Variants in XKR8 observed in about 807,000 individuals in gnomAD.
XKR8 encodes the protein XK-related protein 8.
A neutral mutation model predicts 17.1 loss-of-function variants in XKR8; 10 were observed. That is an observed-to-expected ratio of 0.59 (90% CI 0.36 to 0.99). The LOEUF (loss-of-function observed/expected upper bound fraction) is 0.99, where lower values mean the gene tolerates loss of function less well. Ranked by LOEUF, XKR8 falls within the 50% of genes least tolerant of loss-of-function variation. The pLI is 0.01. For missense variants in XKR8, 411 were observed against 515.6 expected (o/e 0.80, Z 1.96); for synonymous variants, 213 against 251.9 (o/e 0.85, Z 1.46).
chr1:27,963,602 G>A lies in XKR8; in HGVS notation c.399G>A (p.Leu133=). The part of the protein sequence containing the change: ...ADFLALDISM[L]RLFETFLETA... ...TCCTCGCCCTGGACATCAGCATGCT[G>A]CGGCTCTTCGAGACCTTCTTGGAGA... Residue 133 remains leucine, a synonymous_variant, in exon 2 of 3, where the codon CTG becomes CTA. Transcript: ENST00000373884. 7 of 1,614,128 alleles carry A rather than the reference G, an allele frequency of 4.3e-6. No individual in the cohort carries two copies. The highest frequency in any genetic ancestry group is 5.9e-6 in the Non-Finnish European group (7 of 1,180,022).
At position 27,967,298 on chromosome 1, in the gene XKR8, C is replaced by T. The variant is rs1638597085; in HGVS notation, c.*98C>T. ...AGGCGAGGATAAGCTAACGATGCTGCTGTGGCCTCTATGCACTCAGCAAGA... is the reference window on the plus strand; with the variant it reads ...AGGCGAGGATAAGCTAACGATGCTGTTGTGGCCTCTATGCACTCAGCAAGA... On this transcript the variant is annotated 3_prime_UTR_variant, in exon 3 of 3. Transcript: ENST00000373884. The surrounding 1 kb of genome is among the most constrained non-coding windows in gnomAD (Gnocchi z 4.3). 1.5e-6 allele frequency: 2 copies of T among 1,355,118 alleles called. No homozygotes were observed. Among genetic ancestry groups the T allele is most frequent in the East Asian group, 2.4e-5 (1 of 42,122 alleles). The allele number at this position is 1,355,118 out of a possible 1,614,324, so 83.9% of individuals were successfully genotyped here.
At position 27,960,992 on chromosome 1, in the gene XKR8, G is replaced by A. The variant is rs979424393; in HGVS notation, c.293+630G>A. Among the ~76,000 whole-genome samples the A allele has an allele frequency of 6.6e-6, 1 of 152,224 alleles. No homozygotes were observed. The highest frequency in any genetic ancestry group is 2.4e-5 in the African/African-American group (1 of 41,462). Reference sequence around the variant, plus strand: ...TGTCCACTGCCCTGGCTCAGAGTGAGCACTCAGCAACCTCAGCTGGCTTCT... The same window carrying A: ...TGTCCACTGCCCTGGCTCAGAGTGAACACTCAGCAACCTCAGCTGGCTTCT... On this transcript the variant is annotated intron_variant, in intron 1 of 2. Coordinates refer to ENST00000373884, the MANE Select transcript of XKR8 (RefSeq NM_018053.4). The surrounding 1 kb of genome is among the most constrained non-coding windows in gnomAD (Gnocchi z 5.9).
At position 27,960,426 on chromosome 1, in the gene XKR8, CTGTACAGG is replaced by C; in HGVS notation, c.293+67_293+74del. On this transcript the variant is annotated intron_variant, in intron 1 of 2. Transcript: ENST00000373884. The surrounding 1 kb of genome is among the most constrained non-coding windows in gnomAD (Gnocchi z 5.9). The stretch of plus-strand genomic sequence containing the variant: ...CCAGCACCTCCGTCAGCTGGGTCAC[CTGTACAGG>C]TGACACGCCATATGCCGGGAAGGGG... 7.4e-7 allele frequency: 1 copy of C among 1,343,256 alleles called. No homozygotes were observed. Among genetic ancestry groups the C allele is most frequent in the Non-Finnish European group, 9.5e-7 (1 of 1,049,442 alleles). The allele number at this position is 1,343,256 out of a possible 1,614,324, so 83.2% of individuals were successfully genotyped here. A position where few individuals can be genotyped will look rare whatever the true frequency, so the allele number is the denominator to read the frequency against.
At position 27,960,051 on chromosome 1, in the gene XKR8, G is replaced by C. The variant is rs1268152923; in HGVS notation, c.-19G>C. 1.4e-6 allele frequency: 2 copies of C among 1,416,140 alleles called. No homozygotes were observed. Among genetic ancestry groups the C allele is most frequent in the Non-Finnish European group, 1.8e-6 (2 of 1,090,490 alleles). 87.7% of individuals were successfully genotyped at this position (1,416,140 alleles called of 1,614,324 possible). A position where few individuals can be genotyped will look rare whatever the true frequency, so the allele number is the denominator to read the frequency against. On this transcript the variant is annotated 5_prime_UTR_variant, in exon 1 of 3. Transcript: ENST00000373884. This position sits in a 1 kb window ranked among gnomAD's most constrained non-coding sequence, Gnocchi z 5.9. ...GCCCCAACCGCGGAGGAGCAGGAGA[G>C]GGCGGAGGCCGGCGGGCCATGCCCT...
Position 27,966,487 on chromosome 1 carries a change from C to T in XKR8, c.491-16C>T, listed in dbSNP as rs1397160349. 6.2e-7 allele frequency: 1 copy of T among 1,601,854 alleles called. No individual in the cohort carries two copies. Among genetic ancestry groups the T allele is most frequent in the Non-Finnish European group, 8.5e-7 (1 of 1,173,276 alleles). ...GGCTGGCCCCAGGACTCACTGTTCC[C>T]TCCTACTCTTTGCAGGGGTTGGCAT... On this transcript the variant is annotated splice_polypyrimidine_tract_variant and intron_variant, in intron 2 of 2. Coordinates refer to ENST00000373884, the MANE Select transcript of XKR8 (RefSeq NM_018053.4). This position sits in a 1 kb window ranked among gnomAD's most constrained non-coding sequence, Gnocchi z 4.3.
rs1296239576 is a variant in XKR8, at chr1:27,966,741, G to A, written c.729G>A (p.Trp243Ter). ...GCCTGTGGCTGGTACTGCTGCTCTGGGTCTGGCTTCAGGGCACAGACTTCA... is the reference window on the plus strand; with the variant it reads ...GCCTGTGGCTGGTACTGCTGCTCTGAGTCTGGCTTCAGGGCACAGACTTCA... Reference protein sequence around the residue: ...FLGLWLVLLLWVWLQGTDFMP... With the variant: ...FLGLWLVLLL The change falls in exon 3 of 3, where the codon TGG becomes TGA. Residue 243 changes from tryptophan (W) to a stop codon, truncating the protein, a stop_gained. Transcript: ENST00000373884. LOFTEE classifies it low-confidence loss of function (END_TRUNC). The surrounding 1 kb of genome is among the most constrained non-coding windows in gnomAD (Gnocchi z 4.3). 22 of 1,613,970 alleles carry A rather than the reference G, an allele frequency of 1.4e-5. No individual in the cohort carries two copies. The highest frequency in any genetic ancestry group is 1.8e-5 in the Non-Finnish European group (21 of 1,180,000).
chr1:27,961,548 A>G (rs1638470344), intron 1 of XKR8, among the ~76,000 whole-genome samples: 1 of 152,232 alleles, frequency 6.6e-6, no homozygotes, highest in Admixed American at 6.5e-5. Flanking sequence ...GCAGGCCTCC[A>G]TGAGCCGTGA....
At chr1:27,964,844 T>A (rs1638538155) in intron 2 of XKR8, among the ~76,000 whole-genome samples, 2 of 152,040 alleles carry the variant, frequency 1.3e-5, no homozygotes, top group Non-Finnish European at 2.9e-5. Context: ...AGCCTTCCCC[T>A]TTGCCTTCCT....
Position 27,966,477 on chromosome 1 carries a change from T to A in XKR8, c.491-26T>A, listed in dbSNP as rs756773386. On this transcript the variant is annotated intron_variant, in intron 2 of 2. Coordinates refer to ENST00000373884, the MANE Select transcript of XKR8 (RefSeq NM_018053.4). This position sits in a 1 kb window ranked among gnomAD's most constrained non-coding sequence, Gnocchi z 4.3. ...GTGCCAAGCAGGCTGGCCCCAGGAC[T>A]CACTGTTCCCTCCTACTCTTTGCAG... is the stretch of plus-strand genomic sequence containing the variant. 6.3e-7 allele frequency: 1 copy of A among 1,587,172 alleles called. No homozygotes were observed. The highest frequency in any genetic ancestry group is 2.2e-5 in the East Asian group (1 of 44,532).
At chr1:27,963,308 C>T (rs1638504830) in intron 1 of XKR8, among the ~76,000 whole-genome samples, 189 bp from the exon 2 acceptor site, 1 of 152,246 alleles carries the variant, frequency 6.6e-6, no homozygotes, top group African/African-American at 2.4e-5. Context: ...GCATGAGCCA[C>T]CACACCCGGC....
Position 27,967,110 on chromosome 1 carries a change from TCAG to T in XKR8, c.1100_1102del (p.Gln367del), listed in dbSNP as rs1188485598. On this transcript the variant is annotated inframe_deletion, in exon 3 of 3. Coordinates refer to ENST00000373884, the MANE Select transcript of XKR8 (RefSeq NM_018053.4). The surrounding 1 kb of genome is among the most constrained non-coding windows in gnomAD (Gnocchi z 4.3). ...GGAGTCTGCTTTCTCCAGAGGGGTA[TCAG>T]CTGCCTCAGAACAGGCGCATGACCC... 1.9e-6 allele frequency: 3 copies of T among 1,613,342 alleles called. No homozygotes were observed.
intron 1 of XKR8, among the ~76,000 whole-genome samples, chr1:27,962,580 CA>C (rs1235180519): frequency 1.4e-5 from 2 of 141,124 alleles, no homozygotes; most frequent in Non-Finnish European, 1.5e-5. Context: ...ACTCTGTCTC[CA>C]AAAAAAAAGA....
At position 27,960,122 on chromosome 1, in the gene XKR8, T is replaced by C; in HGVS notation, c.53T>C (p.Leu18Pro). ...CTTCGGGACCTGGTCCTGGGCGTGCTGGGCACCGCCGCCTTCCTGCTCGAC... is the reference window on the plus strand; with the variant it reads ...CTTCGGGACCTGGTCCTGGGCGTGCCGGGCACCGCCGCCTTCCTGCTCGAC... ...ALLRDLVLGV[L>P]GTAAFLLDLG... Residue 18 changes from leucine (L) to proline (P), a missense_variant, in exon 1 of 3, where the codon CTG becomes CCG. Transcript: ENST00000373884. This position sits in a 1 kb window ranked among gnomAD's most constrained non-coding sequence, Gnocchi z 5.9. The C allele has an allele frequency of 6.6e-7, 1 of 1,517,420 alleles. No individual in the cohort carries two copies. Among genetic ancestry groups the C allele is most frequent in the Non-Finnish European group, 8.8e-7 (1 of 1,139,736 alleles). 94.0% of individuals were successfully genotyped at this position (1,517,420 alleles called of 1,614,324 possible). A position where few individuals can be genotyped will look rare whatever the true frequency, so the allele number is the denominator to read the frequency against.
rs1318470594 is a variant in XKR8 at position 27,965,508 on chromosome 1, G to A, written c.491-995G>A. 6.6e-6 allele frequency among the ~76,000 whole-genome samples: 1 copy of A among 152,142 alleles called. No homozygotes were observed. Among genetic ancestry groups the A allele is most frequent in the Non-Finnish European group, 1.5e-5 (1 of 68,034 alleles). ...CTGACACAGCTGAGTGGGTGGCATGGGGTCAGGGTGGGTGACTCCCGGGGC... is the reference window on the plus strand; with the variant it reads ...CTGACACAGCTGAGTGGGTGGCATGAGGTCAGGGTGGGTGACTCCCGGGGC... On this transcript the variant is annotated intron_variant, in intron 2 of 2. Coordinates refer to ENST00000373884, the MANE Select transcript of XKR8 (RefSeq NM_018053.4). The surrounding 1 kb of genome is among the most constrained non-coding windows in gnomAD (Gnocchi z 4.1).
At position 27,966,891 on chromosome 1, in the gene XKR8, G is replaced by T; in HGVS notation, c.879G>T (p.Leu293=). Residue 293 remains leucine, a synonymous_variant, in exon 3 of 3, where the codon CTG becomes CTT. Transcript: ENST00000373884. The surrounding 1 kb of genome is among the most constrained non-coding windows in gnomAD (Gnocchi z 4.3). ...GRAIIHFAFL[L]SDSILLVATW... ...CCATCATCCACTTCGCCTTCCTCCT[G>T]AGTGACAGCATTCTCCTGGTGGCCA... is the stretch of plus-strand genomic sequence containing the variant. 1 of 1,614,194 alleles carries T rather than the reference G, an allele frequency of 6.2e-7. No homozygotes were observed. The highest frequency in any genetic ancestry group is 8.5e-7 in the Non-Finnish European group (1 of 1,180,024).
chr1:27,960,449 C>G lies in XKR8; in HGVS notation c.293+87C>G, dbSNP rs1638445813. 1.6e-6 allele frequency: 2 copies of G among 1,274,890 alleles called. No individual in the cohort carries two copies. The highest frequency in any genetic ancestry group is 2.0e-6 in the Non-Finnish European group (2 of 997,062). 79.0% of individuals were successfully genotyped at this position (1,274,890 alleles called of 1,614,324 possible). On this transcript the variant is annotated intron_variant, in intron 1 of 2. Coordinates refer to ENST00000373884, the MANE Select transcript of XKR8 (RefSeq NM_018053.4). This position sits in a 1 kb window ranked among gnomAD's most constrained non-coding sequence, Gnocchi z 5.9. ...ACCTGTACAGGTGACACGCCATATGCCGGGAAGGGGACTGGGAGAGGGAAC... is the reference window on the plus strand; with the variant it reads ...ACCTGTACAGGTGACACGCCATATGGCGGGAAGGGGACTGGGAGAGGGAAC...
At chr1:27,963,086 C>T (rs1217502141) in intron 1 of XKR8, among the ~76,000 whole-genome samples, 3 of 152,036 alleles carry the variant, frequency 2.0e-5, no homozygotes, top group African/African-American at 4.8e-5. Flanking sequence ...TGCAGTGGCA[C>T]GATCTCGGCT....
Position 27,960,018 on chromosome 1 carries a change from G to A in XKR8, c.-52G>A. ...TCCTGCCTCGGCAACCCCGGGCCCT[G>A]AGGGCAGGCCCCAACCGCGGAGGAG... On this transcript the variant is annotated 5_prime_UTR_variant, in exon 1 of 3. Transcript: ENST00000373884. The surrounding 1 kb of genome is among the most constrained non-coding windows in gnomAD (Gnocchi z 5.9). 1 of 1,353,896 alleles carries A rather than the reference G, an allele frequency of 7.4e-7. No individual in the cohort carries two copies. The highest frequency in any genetic ancestry group is 1.5e-5 in the African/African-American group (1 of 65,132). The allele number at this position is 1,353,896 out of a possible 1,614,324, so 83.9% of individuals were successfully genotyped here.
chr1:27,963,741 G>A (rs755999905), intron 2 of XKR8, 48 bp downstream of exon 2: 21 of 1,458,886 alleles, frequency 1.4e-5, no homozygotes, highest in Non-Finnish European at 1.7e-5. Flanking sequence ...TTGGTGGGGG[G>A]TCTCTCAAAT....
Sources: gnomAD v4.1 joint callset for allele counts (sites outside exome capture counted in the v4.1 genomes callset) on GRCh38, gnomAD v4.1.1 for gene constraint, Gnocchi (gnomAD v3.1) non-coding constraint, MANE v1.5 for transcripts, NCBI Gene and HGNC (gene_info 2026-07-23, HGNC 2026-07-21) for gene names.